CHCHD3: variants seen among roughly 807,000 people sequenced by gnomAD.
The protein encoded by CHCHD3 is MICOS complex subunit MIC19.
In CHCHD3, 20 loss-of-function variants were observed where a neutral mutation model predicts 38.2. The observed-to-expected ratio is 0.52, with a 90% CI of 0.37 to 0.76. The LOEUF is 0.76. CHCHD3 is among the 30% of genes least tolerant of loss of function. The probability of loss-of-function intolerance (pLI) is 0.00; values close to 1 mark genes in which losing one functional copy is unlikely to be tolerated. For missense variants in CHCHD3, 245 were observed against 279.2 expected (o/e 0.88, Z 0.87); for synonymous variants, 82 against 100.0 (o/e 0.82, Z 1.07).
intron 2 of CHCHD3, among the ~76,000 whole-genome samples, chr7:133,028,809 C>T (rs10234222): frequency 0.041 from 6,154 of 151,044 alleles, 366 homozygotes; most frequent in African/African-American, 0.13. Flanking sequence ...CGCTTGAACT[C>T]GGGAGGCGGA....
chr7:133,009,851 C>T (rs1812814087), intron 3 of CHCHD3, among the ~76,000 whole-genome samples: 1 of 152,062 alleles, frequency 6.6e-6, no homozygotes, highest in African/African-American at 2.4e-5. Context: ...TGTTAGCCAA[C>T]AATAAAAATA....
intron 4 of CHCHD3, among the ~76,000 whole-genome samples, chr7:132,902,515 G>T (rs1364003510): frequency 2.0e-5 from 3 of 152,162 alleles, no homozygotes; most frequent in African/African-American, 7.2e-5. Flanking sequence ...CATGTCCTTT[G>T]CTGGGACATG....
At chr7:132,899,269 G>A (rs1809603564) in intron 4 of CHCHD3, among the ~76,000 whole-genome samples, 1 of 152,208 alleles carries the variant, frequency 6.6e-6, no homozygotes, top group Non-Finnish European at 1.5e-5. Flanking sequence ...AGACTGTGCT[G>A]CAGGTCTGAC....
chr7:132,982,797 C>A (rs979064923), intron 3 of CHCHD3, among the ~76,000 whole-genome samples: 1 of 152,012 alleles, frequency 6.6e-6, no homozygotes, highest in African/African-American at 2.4e-5. Flanking sequence ...TACAGCTGAA[C>A]CTTCAATAAC....
At chr7:133,046,572 G>GT (rs924405445) in intron 2 of CHCHD3, among the ~76,000 whole-genome samples, 3 of 53,692 alleles carry the variant, frequency 5.6e-5, no homozygotes, top group African/African-American at 2.4e-4. Flanking sequence ...TATTTTTTTG[G>GT]GGGGGGGAGA....
chr7:133,004,177 G>A (rs1358603322), intron 3 of CHCHD3, among the ~76,000 whole-genome samples: 1 of 152,040 alleles, frequency 6.6e-6, no homozygotes, highest in Non-Finnish European at 1.5e-5. Flanking sequence ...GGCCAGGTTG[G>A]TCTTTAACTC....
intron 2 of CHCHD3, among the ~76,000 whole-genome samples, chr7:133,057,434 G>A (rs1173507822): frequency 1.3e-5 from 2 of 152,032 alleles, no homozygotes; most frequent in Non-Finnish European, 2.9e-5. Flanking sequence ...GGGGGCACCT[G>A]CCTGTAGTCC....
chr7:132,949,903 G>A (rs1347511545), intron 4 of CHCHD3, among the ~76,000 whole-genome samples: 1 of 152,132 alleles, frequency 6.6e-6, no homozygotes, highest in African/African-American at 2.4e-5. Flanking sequence ...GTAGACACAA[G>A]TTAGAAGCTC....
chr7:132,786,628 T>C (rs764051880), intron 7 of CHCHD3, among the ~76,000 whole-genome samples: 14 of 152,030 alleles, frequency 9.2e-5, no homozygotes, highest in South Asian at 2.1e-4. Context: ...GAGGCCGAGG[T>C]TGCCTCTAGT....
chr7:132,823,755 T>C (rs1332923660), intron 6 of CHCHD3, among the ~76,000 whole-genome samples: 2 of 152,272 alleles, frequency 1.3e-5, no homozygotes, highest in East Asian at 3.9e-4. Context: ...ATAAAACACA[T>C]CTGAATAAAC....
At chr7:132,890,116 T>C (rs1000965290) in intron 4 of CHCHD3, among the ~76,000 whole-genome samples, 23 of 152,128 alleles carry the variant, frequency 1.5e-4, no homozygotes, top group Non-Finnish European at 8.8e-5. Context: ...AAGTGGATCA[T>C]TATGGAAAAC....
rs201438226 is a variant in CHCHD3 at position 133,047,695 on chromosome 7, AT to A, written c.169+22446del. Among the ~76,000 whole-genome samples, 165 of 152,368 alleles carry A rather than the reference AT, an allele frequency of 1.1e-3. 1 individual carries two copies. The highest frequency in any genetic ancestry group is 3.8e-3 in the African/African-American group (160 of 41,578). On this transcript the variant is annotated intron_variant, in intron 2 of 7. Transcript: ENST00000262570. ...ATCTCAGCTAATGCAGACAAAAAAAATCTTTAATCCTCAGAGATTGGAGGTA... is the reference window on the plus strand; with the variant it reads ...ATCTCAGCTAATGCAGACAAAAAAAACTTTAATCCTCAGAGATTGGAGGTA...
chr7:132,894,567 A>G (rs1162751573), intron 4 of CHCHD3, among the ~76,000 whole-genome samples: 1 of 152,062 alleles, frequency 6.6e-6, no homozygotes, highest in Non-Finnish European at 1.5e-5. Context: ...TTACTTACCC[A>G]CTACTCCTCT....
chr7:132,985,161 T>G (rs113855663), intron 3 of CHCHD3, among the ~76,000 whole-genome samples: 4 of 29,280 alleles, frequency 1.4e-4, no homozygotes, highest in African/African-American at 5.4e-4. Flanking sequence ...AAGTGAGGAG[T>G]CCCTCTGCCC....
intron 2 of CHCHD3, among the ~76,000 whole-genome samples, chr7:133,055,810 CCATACTCACA>C (rs1343987247): frequency 6.6e-6 from 1 of 151,806 alleles, no homozygotes; most frequent in Non-Finnish European, 1.5e-5. Context: ...TCCTCCCCCA[CCATACTCACA>C]CATATATATT....
intron 5 of CHCHD3, chr7:132,849,660 C>G (rs1163948814): frequency 6.6e-6 from 1 of 152,160 alleles, no homozygotes; most frequent in East Asian, 1.9e-4. Context: ...GTAAACAAAA[C>G]TAGAATTCCA....
At position 132,857,570 on chromosome 7, in the gene CHCHD3, G is replaced by C. The variant is rs990527844; in HGVS notation, c.454-19101C>G. ...TGACAGACACCCGCCACCACCCCCA[G>C]CTAATTTTTGTATTTTTAATAGAGA... On this transcript the variant is annotated intron_variant, in intron 5 of 7. Coordinates refer to ENST00000262570, the MANE Select transcript of CHCHD3 (RefSeq NM_017812.4). 2.0e-5 allele frequency among the ~76,000 whole-genome samples: 3 copies of C among 151,972 alleles called. 1 individual carries two copies. The highest frequency in any genetic ancestry group is 2.0e-4 in the Admixed American group (3 of 15,268).
At chr7:132,878,952 G>T (rs574722139) in intron 5 of CHCHD3, among the ~76,000 whole-genome samples, 1 of 152,184 alleles carries the variant, frequency 6.6e-6, no homozygotes, top group Non-Finnish European at 1.5e-5. Flanking sequence ...AAGGGAGTCA[G>T]AGACAGCTAT....
rs1372888999 is a variant in CHCHD3 at position 133,035,074 on chromosome 7, G to T, written c.170-10447C>A. 3.7e-6 allele frequency: 6 copies of T among 1,613,760 alleles called. No homozygotes were observed. The East Asian group carries it at 1.3e-4, about 36-fold the overall frequency. The stretch of plus-strand genomic sequence containing the variant: ...TCCAACACAAAGGTACTCTTGGGCA[G>T]GTGAGCGAAGGGGTCCTTGGCCTTG... On this transcript the variant is annotated intron_variant, in intron 2 of 7. Transcript: ENST00000262570. This position sits in a 1 kb window ranked among gnomAD's most constrained non-coding sequence, Gnocchi z 4.7.
Sources: allele counts gnomAD v4.1 joint callset (sites outside exome capture counted in the v4.1 genomes callset), GRCh38; gene constraint gnomAD v4.1.1; non-coding constraint Gnocchi (gnomAD v3.1); transcripts MANE v1.5; gene names NCBI Gene and HGNC (gene_info 2026-07-23, HGNC 2026-07-21).